ELMO1: variants seen among roughly 807,000 people sequenced by gnomAD.
ELMO1 encodes engulfment and cell motility protein 1.
In ELMO1, 26 loss-of-function variants were observed where a neutral mutation model predicts 98.9. That is an observed-to-expected ratio of 0.26 (90% confidence interval 0.19 to 0.36). ELMO1 has a LOEUF of 0.36. Among genes scored for constraint, ELMO1 ranks in the 10% least tolerant of loss-of-function variants. The pLI, the probability that ELMO1 is intolerant of heterozygous loss-of-function variation, is 1.00. For synonymous variants in ELMO1, 346 were observed against 346.0 expected (o/e 1.00, Z 0.00); for missense variants, 627 against 935.2 (o/e 0.67, Z 4.30).
intron 14 of ELMO1, among the ~76,000 whole-genome samples, chr7:37,113,092 G>A (rs770691679): frequency 6.6e-5 from 10 of 152,232 alleles, no homozygotes; most frequent in South Asian, 2.1e-4. Context: ...ACTCCAGGAC[G>A]GACAAAGGCC....
intron 16 of ELMO1, among the ~76,000 whole-genome samples, chr7:37,008,347 C>T (rs1793295208): frequency 6.6e-6 from 1 of 152,140 alleles, no homozygotes; most frequent in Non-Finnish European, 1.5e-5. Flanking sequence ...ACACGGGAAA[C>T]TAAGGTACCT....
chr7:37,023,796 C>G (rs1400740862), intron 15 of ELMO1, among the ~76,000 whole-genome samples: 4 of 152,042 alleles, frequency 2.6e-5, no homozygotes, highest in African/African-American at 9.7e-5. Flanking sequence ...GTTGGCCAGG[C>G]TGGTCTTGAA....
At chr7:37,230,181 C>T (rs987764170) in intron 8 of ELMO1, among the ~76,000 whole-genome samples, 5 of 152,008 alleles carry the variant, frequency 3.3e-5, no homozygotes, top group African/African-American at 1.2e-4. Context: ...TGCCAGGCCC[C>T]GAGGATAAAG....
intron 1 of ELMO1, among the ~76,000 whole-genome samples, chr7:37,368,358 A>G (rs1386044255): frequency 3.3e-5 from 5 of 152,212 alleles, no homozygotes; most frequent in African/African-American, 1.2e-4. Flanking sequence ...TCTTAAATAT[A>G]CATTTCATGA....
intron 16 of ELMO1, among the ~76,000 whole-genome samples, chr7:36,984,668 T>C (rs780344102): frequency 2.0e-5 from 3 of 152,246 alleles, no homozygotes; most frequent in Non-Finnish European, 4.4e-5. Context: ...TTCATGTGCA[T>C]TTCTTCATAA....
chr7:37,242,383 T>C (rs1457212556), intron 7 of ELMO1, among the ~76,000 whole-genome samples: 1 of 152,216 alleles, frequency 6.6e-6, no homozygotes, highest in Non-Finnish European at 1.5e-5. Flanking sequence ...TTAACATATT[T>C]ATAAAAGTTT....
chr7:37,101,486 G>T (rs1003003856), intron 14 of ELMO1, among the ~76,000 whole-genome samples: 1 of 152,200 alleles, frequency 6.6e-6, no homozygotes, highest in African/African-American at 2.4e-5. Context: ...CTAAATAGGG[G>T]AGGGGGAGTT....
At chr7:37,358,316 ACT>A (rs1475220771) in intron 1 of ELMO1, among the ~76,000 whole-genome samples, 2 of 152,148 alleles carry the variant, frequency 1.3e-5, no homozygotes, top group Non-Finnish European at 2.9e-5. Flanking sequence ...CAAACTTGAA[ACT>A]CAACCTGCTA....
At chr7:37,401,867 G>A (rs181136119) in intron 1 of ELMO1, among the ~76,000 whole-genome samples, 1 of 152,276 alleles carries the variant, frequency 6.6e-6, no homozygotes, top group Admixed American at 6.5e-5. Context: ...CAAAGGAAAG[G>A]AGTTGAAGAC....
chr7:37,235,192 T>A (rs1028550698), intron 7 of ELMO1, among the ~76,000 whole-genome samples: 1 of 151,998 alleles, frequency 6.6e-6, no homozygotes, highest in Non-Finnish European at 1.5e-5. Context: ...TGACTCTTTC[T>A]ACAGACAATG....
chr7:36,913,230 C>T (rs1419484797), intron 16 of ELMO1, among the ~76,000 whole-genome samples: 2 of 152,174 alleles, frequency 1.3e-5, no homozygotes, highest in Non-Finnish European at 2.9e-5. Flanking sequence ...GGCAAGTACC[C>T]AGCAAATACT....
chr7:37,089,845 C>T (rs1783977580), intron 15 of ELMO1, among the ~76,000 whole-genome samples: 1 of 152,164 alleles, frequency 6.6e-6, no homozygotes, highest in Admixed American at 6.5e-5. Context: ...AGATATCTAA[C>T]ATCCTGTGGT....
chr7:37,391,062 C>CCTT (rs1562661008), intron 1 of ELMO1, among the ~76,000 whole-genome samples: 32 of 105,320 alleles, frequency 3.0e-4, no homozygotes, highest in East Asian at 2.5e-3. Flanking sequence ...CTTCCTTCCT[C>CCTT]CCTCCCTCCC....
chr7:37,016,176 A>G (rs1269574596), intron 15 of ELMO1, among the ~76,000 whole-genome samples: 1 of 152,110 alleles, frequency 6.6e-6, no homozygotes, highest in East Asian at 1.9e-4. Context: ...TTATGTGATG[A>G]GTGGAGCTAA....
At chr7:36,928,432 T>G (rs1467097552) in intron 16 of ELMO1, among the ~76,000 whole-genome samples, 1 of 152,194 alleles carries the variant, frequency 6.6e-6, no homozygotes, top group Non-Finnish European at 1.5e-5. Flanking sequence ...CAGAAGGCAA[T>G]TACAACAGCC....
chr7:37,407,842 C>G lies in ELMO1; in HGVS notation c.-74+40833G>C, dbSNP rs575280928. Among the ~76,000 whole-genome samples the G allele has an allele frequency of 2.0e-5, 3 of 152,150 alleles. No homozygotes were observed. In the South Asian group the frequency reaches 6.2e-4, roughly 32 times the overall value. On this transcript the variant is annotated intron_variant, in intron 1 of 21. Coordinates refer to ENST00000310758, the MANE Select transcript of ELMO1 (RefSeq NM_014800.11). ...TGAACTTCAATGAATAATAATGTAT[C>G]AATATTGGCTCATTGCTTGTAACAA... is the stretch of plus-strand genomic sequence containing the variant.
At chr7:37,256,459 C>T (rs1795646824) in intron 6 of ELMO1, among the ~76,000 whole-genome samples, 1 of 149,142 alleles carries the variant, frequency 6.7e-6, no homozygotes, top group Non-Finnish European at 1.5e-5. Context: ...TTCACTAGTA[C>T]CAACTGCAGA....
At chr7:37,133,446 A>G (rs1440835268) in intron 13 of ELMO1, among the ~76,000 whole-genome samples, 1 of 152,206 alleles carries the variant, frequency 6.6e-6, no homozygotes, top group Non-Finnish European at 1.5e-5. Flanking sequence ...CAGATTTTAT[A>G]CCTGGGATTA....
intron 13 of ELMO1, among the ~76,000 whole-genome samples, chr7:37,193,002 T>C (rs1342661909): frequency 1.2e-5 from 1 of 86,822 alleles, no homozygotes; most frequent in Non-Finnish European, 2.3e-5. Flanking sequence ...TATATATATA[T>C]ATATATACAC....
Sources: gnomAD v4.1 joint callset for allele counts (sites outside exome capture counted in the v4.1 genomes callset) on GRCh38, gnomAD v4.1.1 for gene constraint, MANE v1.5 for transcripts, NCBI Gene and HGNC (gene_info 2026-07-23, HGNC 2026-07-21) for gene names.